CREBBP: variants seen among roughly 807,000 people sequenced by gnomAD.
The protein encoded by CREBBP is CREB-binding protein.
In CREBBP, 19 loss-of-function variants were observed where a neutral mutation model predicts 265.0. The ratio of observed to expected loss-of-function variants is 0.07; its 90% CI spans 0.05 to 0.11. The LOEUF (loss-of-function observed/expected upper bound fraction) is 0.11. Ranked by LOEUF, CREBBP falls within the 10% of genes least tolerant of loss-of-function variation. The pLI is 1.00. For missense variants in CREBBP, 2,525 were observed against 3,219.0 expected (o/e 0.78, Z 5.22); for synonymous variants, 1,457 against 1,223.7 (o/e 1.19, Z -3.98).
intron 3 of CREBBP, among the ~76,000 whole-genome samples, chr16:3,804,241 T>A (rs1379908925): frequency 6.6e-6 from 1 of 152,174 alleles, no homozygotes; most frequent in African/African-American, 2.4e-5. Flanking sequence ...ACCAATTTAC[T>A]AAAAACTTAA....
Position 3,729,039 on chromosome 16 carries a change from G to A in CREBBP, c.6008C>T (p.Pro2003Leu), listed in dbSNP as rs1202400845. 2 of 1,587,904 alleles carry A rather than the reference G, an allele frequency of 1.3e-6. No individual in the cohort carries two copies. Among genetic ancestry groups the A allele is most frequent in the East Asian group, 4.6e-5 (2 of 43,886 alleles). Residue 2003 changes from proline to leucine, a missense_variant, in exon 31 of 31, where the codon CCC (proline) becomes CTC (leucine). This residue lies in a region of CREBBP where 275 missense variants were observed against 276.5 expected (regional missense o/e 0.99). Coordinates refer to ENST00000262367, the MANE Select transcript of CREBBP (RefSeq NM_004380.3). ...GGGCCCGCTCACCTGGTTGGGTCGG[G>A]GCACATTCAGGCTCACGGGGGCCAT... Reference protein sequence around the residue: ...SQMAPVSLNVPRPNQVSGPVM... With the variant: ...SQMAPVSLNVLRPNQVSGPVM...
intron 16 of CREBBP, among the ~76,000 whole-genome samples, chr16:3,764,883 G>GA (rs1235009284): frequency 6.6e-6 from 1 of 151,896 alleles, no homozygotes; most frequent in African/African-American, 2.4e-5. Context: ...ACACCTGGCT[G>GA]AAAAAATATT....
intron 19 of CREBBP, among the ~76,000 whole-genome samples, chr16:3,754,667 T>C (rs2052548594): frequency 6.6e-6 from 1 of 152,216 alleles, no homozygotes; most frequent in African/African-American, 2.4e-5. Flanking sequence ...ATACTTATAT[T>C]ATCTACAGAT....
rs373775026 is a variant in CREBBP, at chr16:3,746,513, C to G, written c.3837-1159G>C. On this transcript the variant is annotated intron_variant, in intron 21 of 30. Transcript: ENST00000262367. ...TATCCTCCACAAGCTCTGTCTTTGACAACTCAGCCACTGAGCTCATCCCCA... is the reference window on the plus strand; with the variant it reads ...TATCCTCCACAAGCTCTGTCTTTGAGAACTCAGCCACTGAGCTCATCCCCA... Among the ~76,000 whole-genome samples the G allele has an allele frequency of 5.9e-5, 9 of 152,306 alleles. No individual in the cohort carries two copies. In the South Asian group the frequency reaches 1.2e-3, roughly 21 times the overall value.
At chr16:3,810,823 A>C (rs1300453619) in intron 2 of CREBBP, 44 bp from the exon 3 acceptor site, 12 of 1,597,694 alleles carry the variant, frequency 7.5e-6, no homozygotes, top group African/African-American at 1.3e-5. Flanking sequence ...GACGCAGTCA[A>C]TATAAAAGGA....
At chr16:3,753,680 G>A (rs1054819123) in intron 19 of CREBBP, among the ~76,000 whole-genome samples, 4 of 152,028 alleles carry the variant, frequency 2.6e-5, no homozygotes, top group African/African-American at 9.7e-5. Context: ...CTGGCAAGAA[G>A]GAATTAAAGT....
intron 18 of CREBBP, 123 bp downstream of exon 18, chr16:3,757,686 T>C: frequency 7.2e-7 from 1 of 1,387,552 alleles, no homozygotes; most frequent in African/African-American, 1.4e-5. Flanking sequence ...ATCAACTGTG[T>C]CACCAGACAG....
At chr16:3,834,855 A>C (rs963666352) in intron 2 of CREBBP, among the ~76,000 whole-genome samples, 1 of 152,052 alleles carries the variant, frequency 6.6e-6, no homozygotes, top group African/African-American at 2.4e-5. Flanking sequence ...AAAAAACCCA[A>C]AATCTTTAAA....
intron 2 of CREBBP, among the ~76,000 whole-genome samples, chr16:3,825,335 C>A (rs963790124): frequency 2.6e-5 from 4 of 152,332 alleles, no homozygotes; most frequent in Admixed American, 2.6e-4. Context: ...GCAATCCCTG[C>A]AATCACACTA....
intron 3 of CREBBP, among the ~76,000 whole-genome samples, chr16:3,808,293 CAGG>C (rs1264324322): frequency 2.6e-5 from 4 of 152,202 alleles, no homozygotes; most frequent in Non-Finnish European, 5.9e-5. Flanking sequence ...TTCTCCAGAG[CAGG>C]AGTTTTTAAC....
chr16:3,819,119 C>G (rs979223485), intron 2 of CREBBP, among the ~76,000 whole-genome samples: 16 of 152,272 alleles, frequency 1.1e-4, no homozygotes, highest in Non-Finnish European at 2.4e-4. Flanking sequence ...CCCAATGCCT[C>G]TTTCTGAAAA....
intron 15 of CREBBP, among the ~76,000 whole-genome samples, chr16:3,768,137 T>TTTC (rs2052906475): frequency 2.0e-5 from 1 of 49,498 alleles, no homozygotes; most frequent in Non-Finnish European, 3.6e-5. Context: ...TTTAAAAGTG[T>TTTC]TTTTTTTTTT....
intron 26 of CREBBP, among the ~76,000 whole-genome samples, chr16:3,737,916 T>C (rs1051686074): frequency 4.0e-4 from 61 of 151,862 alleles, no homozygotes; most frequent in African/African-American, 1.2e-3. Context: ...GCCTCTTGAG[T>C]AGCTGGGATT....
At chr16:3,735,260 T>C (rs2052023776) in intron 28 of CREBBP, among the ~76,000 whole-genome samples, 1 of 152,164 alleles carries the variant, frequency 6.6e-6, no homozygotes, top group Non-Finnish European at 1.5e-5. Context: ...TTGTTTCACA[T>C]CCTACCAGGA....
At chr16:3,764,135 T>G (rs1040759393) in intron 16 of CREBBP, among the ~76,000 whole-genome samples, 1 of 152,070 alleles carries the variant, frequency 6.6e-6, no homozygotes, top group Non-Finnish European at 1.5e-5. Context: ...TTGTTTAAAA[T>G]TTTTCTTCTT....
chr16:3,865,806 T>C (rs568435860), intron 1 of CREBBP, among the ~76,000 whole-genome samples: 1 of 152,126 alleles, frequency 6.6e-6, no homozygotes, highest in Non-Finnish European at 1.5e-5. Context: ...ACCCGGCTAA[T>C]TTTTGTATTT....
In CREBBP at chr16:3,816,590, A is replaced by G. The variant is rs1176014411; in HGVS notation, c.799-5811T>C. ...GTCTGAACTGTCTGGCAAGTAGGTG[A>G]GTGACCATGATCAACAAAGAGGAGG... On this transcript the variant is annotated intron_variant, in intron 2 of 30. Coordinates refer to ENST00000262367, the MANE Select transcript of CREBBP (RefSeq NM_004380.3). Among the ~76,000 whole-genome samples, 3 of 152,220 alleles carry G rather than the reference A, an allele frequency of 2.0e-5. No homozygotes were observed. In the East Asian group the frequency reaches 5.8e-4, roughly 29 times the overall value.
intron 17 of CREBBP, among the ~76,000 whole-genome samples, chr16:3,758,432 A>G (rs2052636737): frequency 1.3e-5 from 2 of 152,224 alleles, no homozygotes; most frequent in African/African-American, 4.8e-5. Context: ...ATGAAATTAC[A>G]AGACAAATAT....
chr16:3,820,848 C>T (rs951032033), intron 2 of CREBBP, among the ~76,000 whole-genome samples: 6 of 152,118 alleles, frequency 3.9e-5, no homozygotes, highest in African/African-American at 1.4e-4. Flanking sequence ...CAGCCACGAC[C>T]AGAATGTGAC....
Sources: allele counts gnomAD v4.1 joint callset (sites outside exome capture counted in the v4.1 genomes callset), GRCh38; gene constraint gnomAD v4.1.1; regional missense constraint gnomAD v4.1.1; transcripts MANE v1.5; gene names NCBI Gene and HGNC (gene_info 2026-07-23, HGNC 2026-07-21).